TASP1: variants seen among roughly 807,000 people sequenced by gnomAD.
The protein encoded by TASP1 is taspase 1.
TASP1 carries 16 observed loss-of-function variants against 56.6 expected under a neutral mutation model. That is an observed-to-expected ratio of 0.28 (90% CI 0.19 to 0.43). The LOEUF is 0.43. Among genes scored for constraint, TASP1 ranks in the 20% least tolerant of loss-of-function variants. The pLI is 1.00. For synonymous variants in TASP1, 179 were observed against 184.2 expected (o/e 0.97, Z 0.23); for missense variants, 393 against 511.6 (o/e 0.77, Z 2.24).
rs138764047 is a variant in TASP1 at position 13,442,597 on chromosome 20, G to A, written c.986-7443C>T. On this transcript the variant is annotated intron_variant, in intron 11 of 13. Coordinates refer to ENST00000337743, the MANE Select transcript of TASP1 (RefSeq NM_017714.3). ...GTGGAGGTTGCAGTGAGCCGATATC[G>A]TGCCCCCGCCCTCCAGCCTGGGCAA... is the stretch of plus-strand genomic sequence containing the variant. 1.1e-4 allele frequency among the ~76,000 whole-genome samples: 17 copies of A among 151,530 alleles called. No homozygotes were observed. In the East Asian group the frequency reaches 1.5e-3, roughly 14 times the overall value.
chr20:13,417,370 T>C (rs948607569), intron 13 of TASP1, 78 bp downstream of exon 13: 42 of 1,499,198 alleles, frequency 2.8e-5, no homozygotes, highest in African/African-American at 2.8e-5. Flanking sequence ...AAAAAATTCA[T>C]CCACATCAAC....
chr20:13,242,514 C>T, the TASP1 span, among the ~76,000 whole-genome samples: 1 of 151,934 alleles, frequency 6.6e-6, no homozygotes, highest in Non-Finnish European at 1.5e-5. Flanking sequence ...CGAGAAGGTC[C>T]AGTAAAAGGT....
chr20:13,160,254 G>A, the TASP1 span: 7 of 1,226,062 alleles, frequency 5.7e-6, no homozygotes, highest in African/African-American at 1.1e-4. Context: ...AAACAACACT[G>A]ACAAAAGTCA....
chr20:13,549,397 C>T (rs2045906345), intron 8 of TASP1, among the ~76,000 whole-genome samples: 1 of 151,942 alleles, frequency 6.6e-6, no homozygotes, highest in African/African-American at 2.4e-5. Flanking sequence ...GTCTTGTGAT[C>T]TTAAAATACC....
At chr20:13,557,736 A>G (rs1379710560) in intron 8 of TASP1, among the ~76,000 whole-genome samples, 5 of 151,632 alleles carry the variant, frequency 3.3e-5, no homozygotes, top group African/African-American at 1.2e-4. Context: ...ATGCACCACC[A>G]TATCCAGCTA....
chr20:13,262,592 T>C, the TASP1 span, among the ~76,000 whole-genome samples: 2 of 151,816 alleles, frequency 1.3e-5, no homozygotes, highest in Non-Finnish European at 2.9e-5. Flanking sequence ...ATAAAAGAAA[T>C]CGGTCCTGGA....
At chr20:13,372,161 T>C in the TASP1 span, among the ~76,000 whole-genome samples, 1 of 152,242 alleles carries the variant, frequency 6.6e-6, no homozygotes, top group African/African-American at 2.4e-5. Context: ...TAATTTTATG[T>C]GTCAACTTGG....
chr20:13,586,708 T>C (rs1161346736), intron 5 of TASP1, among the ~76,000 whole-genome samples: 1 of 152,104 alleles, frequency 6.6e-6, no homozygotes, highest in African/African-American at 2.4e-5. Context: ...TTATAAAACA[T>C]GAGACATATC....
intron 6 of TASP1, among the ~76,000 whole-genome samples, chr20:13,579,199 T>C (rs1199880019): frequency 6.6e-6 from 1 of 152,136 alleles, no homozygotes; most frequent in South Asian, 2.1e-4. Context: ...ACAGAGAATA[T>C]AAATCCAGAG....
At chr20:13,425,881 C>T (rs577621396) in intron 12 of TASP1, among the ~76,000 whole-genome samples, 1 of 152,240 alleles carries the variant, frequency 6.6e-6, no homozygotes, top group African/African-American at 2.4e-5. Context: ...TCATATAATG[C>T]ATGTCCCATT....
At chr20:13,107,659 C>G in the TASP1 span, among the ~76,000 whole-genome samples, 1 of 152,264 alleles carries the variant, frequency 6.6e-6, no homozygotes, top group East Asian at 1.9e-4. Flanking sequence ...TCTTCCAATT[C>G]TTCTTTCACG....
the TASP1 span, among the ~76,000 whole-genome samples, chr20:13,381,941 T>C: frequency 6.6e-6 from 1 of 152,192 alleles, no homozygotes; most frequent in Non-Finnish European, 1.5e-5. Context: ...TATGAATAAG[T>C]GATGGCTATA....
chr20:13,463,898 T>C (rs1027695768), intron 11 of TASP1, among the ~76,000 whole-genome samples: 7 of 152,042 alleles, frequency 4.6e-5, no homozygotes, highest in East Asian at 1.9e-4. Context: ...GAAGGCACTG[T>C]TGGGAATATA....
intron 5 of TASP1, among the ~76,000 whole-genome samples, chr20:13,582,471 C>A (rs1278970945): frequency 1.3e-5 from 2 of 151,792 alleles, no homozygotes; most frequent in African/African-American, 2.4e-5. Context: ...AAAATGATTT[C>A]CAGGATACAT....
the TASP1 span, chr20:13,299,567 T>C: frequency 2.0e-6 from 2 of 992,046 alleles, no homozygotes; most frequent in South Asian, 3.1e-5. The surrounding 1 kb of genome is among the most constrained non-coding windows in gnomAD (Gnocchi z 5.8). Context: ...TCGTGTATAT[T>C]TGTATATACC....
the TASP1 span, among the ~76,000 whole-genome samples, chr20:13,226,348 C>T: frequency 2.6e-5 from 4 of 152,014 alleles, no homozygotes; most frequent in African/African-American, 9.7e-5. Flanking sequence ...AGTCAATAGC[C>T]ATTTGTGTTT....
chr20:13,355,398 A>T, the TASP1 span, among the ~76,000 whole-genome samples: 1 of 152,322 alleles, frequency 6.6e-6, no homozygotes, highest in East Asian at 1.9e-4. Flanking sequence ...CCTTTCTGCA[A>T]CACTACCTCC....
chr20:13,190,438 G>A, the TASP1 span, among the ~76,000 whole-genome samples: 1 of 152,072 alleles, frequency 6.6e-6, no homozygotes, highest in African/African-American at 2.4e-5. Context: ...TGTATTAACA[G>A]CCAACCAATT....
chr20:13,511,061 C>T (rs1170102031), intron 10 of TASP1, among the ~76,000 whole-genome samples: 1 of 152,074 alleles, frequency 6.6e-6, no homozygotes, highest in Admixed American at 6.6e-5. Flanking sequence ...ATGGGTAATC[C>T]CATTTTCCTC....
Sources: gnomAD v4.1 joint callset for allele counts (sites outside exome capture counted in the v4.1 genomes callset) on GRCh38, gnomAD v4.1.1 for gene constraint, Gnocchi (gnomAD v3.1) non-coding constraint, MANE v1.5 for transcripts, NCBI Gene and HGNC (gene_info 2026-07-23, HGNC 2026-07-21) for gene names.